The following MTREX variants were observed in gnomAD, a reference collection of about 807,000 sequenced individuals.
The protein encoded by MTREX is Mtr4 exosome RNA helicase, also known as exosome RNA helicase MTR4.
A neutral mutation model predicts 135.4 loss-of-function variants in MTREX; 76 were observed. That is an observed-to-expected ratio of 0.56 (90% CI 0.47 to 0.68). The LOEUF is 0.68. Among genes scored for constraint, MTREX ranks in the 30% least tolerant of loss-of-function variants. The pLI is 0.00. For synonymous variants in MTREX, 404 were observed against 401.6 expected (o/e 1.01, Z -0.07); for missense variants, 920 against 1,262.1 (o/e 0.73, Z 4.11).
At chr5:55,311,915 ATG>A (rs1253757022) in intron 1 of MTREX, among the ~76,000 whole-genome samples, 1 of 152,182 alleles carries the variant, frequency 6.6e-6, no homozygotes, top group Non-Finnish European at 1.5e-5. Flanking sequence ...TAGCTTGTAT[ATG>A]TATGTATATA....
intron 23 of MTREX, among the ~76,000 whole-genome samples, chr5:55,413,326 ACT>A (rs1254013741): frequency 4.1e-5 from 6 of 146,116 alleles, no homozygotes; most frequent in African/African-American, 1.3e-4. Context: ...ACAGAGCGAG[ACT>A]CTGTCTCAAA....
Position 55,365,376 on chromosome 5 carries a change from G to C in MTREX, c.1660-1349G>C, listed in dbSNP as rs1370771903. 2.0e-5 allele frequency among the ~76,000 whole-genome samples: 3 copies of C among 152,140 alleles called. No homozygotes were observed. In the East Asian group the frequency reaches 5.8e-4, roughly 29 times the overall value. On this transcript the variant is annotated intron_variant, in intron 15 of 26. Coordinates refer to ENST00000230640, the MANE Select transcript of MTREX (RefSeq NM_015360.5). ...GGGACTTACTAACTATCCTCCTAAA[G>C]TACGTGGCTCTTGAGTTTTCAGGAA...
At position 55,337,613 on chromosome 5, in the gene MTREX, T is replaced by G. The variant is rs1304025924; in HGVS notation, c.516-2397T>G. Reference sequence around the variant, plus strand: ...ATTTCTCTTTTGGTTCCCTTGTATGTTGTTTACTTTTCAAACGTGATTTTC... The same window carrying G: ...ATTTCTCTTTTGGTTCCCTTGTATGGTGTTTACTTTTCAAACGTGATTTTC... On this transcript the variant is annotated intron_variant, in intron 5 of 26. Coordinates refer to ENST00000230640, the MANE Select transcript of MTREX (RefSeq NM_015360.5). Among the ~76,000 whole-genome samples the G allele has an allele frequency of 3.3e-5, 5 of 152,192 alleles. No homozygotes were observed. In the East Asian group the frequency reaches 9.6e-4, roughly 29 times the overall value.
In MTREX at chr5:55,380,396, A is replaced by G. The variant is rs138184828; in HGVS notation, c.2052+1201A>G. Among the ~76,000 whole-genome samples the G allele has an allele frequency of 1.3e-3, 203 of 152,282 alleles. 2 individuals are homozygous for G. In the Middle Eastern group the frequency reaches 0.024, roughly 18 times the overall value. ...TTTTCATCATCTCAAAAAGAAACAT[A>G]TGTCATTCACCTGTCCTTCCATATC... On this transcript the variant is annotated intron_variant, in intron 18 of 26. Transcript: ENST00000230640.
In MTREX at chr5:55,364,800, G is replaced by A. The variant is rs74472376; in HGVS notation, c.1660-1925G>A. Among the ~76,000 whole-genome samples the A allele has an allele frequency of 8.9e-3, 1,339 of 149,918 alleles. 14 individuals carry two copies. The highest frequency in any genetic ancestry group is 0.032 in the African/African-American group (1,288 of 40,660). On this transcript the variant is annotated intron_variant, in intron 15 of 26. Transcript: ENST00000230640. ...AATTGATTAAAAAGGGAGAGAGAAC[G>A]CAGAATAAACAAACTCCTAAGCTGG... is the stretch of plus-strand genomic sequence containing the variant.
intron 18 of MTREX, among the ~76,000 whole-genome samples, chr5:55,379,826 T>A (rs1750365244): frequency 6.6e-6 from 1 of 152,268 alleles, no homozygotes; most frequent in South Asian, 2.1e-4. Flanking sequence ...TTTGCCAGTT[T>A]ACTCATTCCA....
intron 20 of MTREX, among the ~76,000 whole-genome samples, chr5:55,399,549 G>T (rs1299869912): frequency 6.6e-6 from 1 of 152,126 alleles, no homozygotes; most frequent in African/African-American, 2.4e-5. Flanking sequence ...GTGCAGTGGC[G>T]CAATCTCGGC....
chr5:55,414,080 A>C, intron 23 of MTREX, 102 bp from the exon 24 acceptor site: 1 of 753,154 alleles, frequency 1.3e-6, no homozygotes. Flanking sequence ...ATAATTTGAT[A>C]TGTGACTATC....
At chr5:55,377,821 T>G (rs1029053097) in intron 16 of MTREX, among the ~76,000 whole-genome samples, 1 of 152,144 alleles carries the variant, frequency 6.6e-6, no homozygotes, top group Non-Finnish European at 1.5e-5. Flanking sequence ...TCTGCTGCCT[T>G]CCTTTCACCT....
At chr5:55,350,807 T>C (rs1299588675) in intron 12 of MTREX, 112 bp from the exon 13 acceptor site, 11 of 856,832 alleles carry the variant, frequency 1.3e-5, no homozygotes, top group Non-Finnish European at 1.8e-5. Context: ...AAAGATTTTA[T>C]TAAGTTTCTT....
At position 55,425,339 on chromosome 5, in the gene MTREX, A is replaced by G. The variant is rs1470699341; in HGVS notation, c.*567A>G. 3.1e-6 allele frequency: 5 copies of G among 1,589,060 alleles called. No homozygotes were observed. The highest frequency in any genetic ancestry group is 4.3e-6 in the Non-Finnish European group (5 of 1,163,354). ...GAAATCCGATACATATACAGCCTAC[A>G]GTGCAAAATATTTAATGGTATAATT... On this transcript the variant is annotated 3_prime_UTR_variant, in exon 27 of 27. Coordinates refer to ENST00000230640, the MANE Select transcript of MTREX (RefSeq NM_015360.5).
chr5:55,334,455 T>C (rs1308899447), intron 5 of MTREX, among the ~76,000 whole-genome samples: 3 of 152,124 alleles, frequency 2.0e-5, no homozygotes, highest in Non-Finnish European at 4.4e-5. Flanking sequence ...ACTTCACCTG[T>C]TAACTATAGC....
chr5:55,351,941 C>T (rs1316776662), intron 13 of MTREX, among the ~76,000 whole-genome samples: 1 of 151,784 alleles, frequency 6.6e-6, no homozygotes, highest in Non-Finnish European at 1.5e-5. Flanking sequence ...CCTGCCTCAG[C>T]CTCCCAAGTA....
chr5:55,355,422 C>T (rs1199398496), intron 14 of MTREX, among the ~76,000 whole-genome samples: 1 of 152,152 alleles, frequency 6.6e-6, no homozygotes, highest in Non-Finnish European at 1.5e-5. Context: ...GTGAGACTCC[C>T]TTTAACCCCT....
intron 19 of MTREX, among the ~76,000 whole-genome samples, chr5:55,389,054 T>C (rs1750524467): frequency 6.6e-6 from 1 of 152,240 alleles, no homozygotes; most frequent in Admixed American, 6.5e-5. Context: ...ACGATTTAAA[T>C]GTTTATTTAT....
intron 5 of MTREX, among the ~76,000 whole-genome samples, chr5:55,339,710 G>A (rs1186205655): frequency 6.6e-6 from 1 of 152,130 alleles, no homozygotes; most frequent in Non-Finnish European, 1.5e-5. Context: ...TCTGAATTTT[G>A]GAAGCCCGTC....
At position 55,425,150 on chromosome 5, in the gene MTREX, G is replaced by A. The variant is rs1561216706; in HGVS notation, c.*378G>A. On this transcript the variant is annotated 3_prime_UTR_variant, in exon 27 of 27. Transcript: ENST00000230640. ...AGAAAGATGCATCCTCTTGCCTTGT[G>A]GCAATCATTTTCCTTTAGAAAACAG... 2 of 1,571,480 alleles carry A rather than the reference G, an allele frequency of 1.3e-6. No homozygotes were observed. Among genetic ancestry groups the A allele is most frequent in the Non-Finnish European group, 1.7e-6 (2 of 1,160,284 alleles).
At chr5:55,312,827 A>T (rs1048348603) in intron 1 of MTREX, among the ~76,000 whole-genome samples, 1 of 152,228 alleles carries the variant, frequency 6.6e-6, no homozygotes, top group Admixed American at 6.5e-5. Flanking sequence ...TTGACAAGAC[A>T]TCATAAGTCT....
At chr5:55,320,432 T>C (rs1371737670) in intron 1 of MTREX, among the ~76,000 whole-genome samples, 1 of 152,122 alleles carries the variant, frequency 6.6e-6, no homozygotes, top group Non-Finnish European at 1.5e-5. Flanking sequence ...TTAGCCAGGA[T>C]GGTCTCAATC....
Sources: gnomAD v4.1 joint callset for allele counts (sites outside exome capture counted in the v4.1 genomes callset) on GRCh38, gnomAD v4.1.1 for gene constraint, MANE v1.5 for transcripts, NCBI Gene and HGNC (gene_info 2026-07-23, HGNC 2026-07-21) for gene names.